ZNF266: variants seen among roughly 807,000 people sequenced by gnomAD.
ZNF266 encodes zinc finger protein 1.
ZNF266 carries 16 observed loss-of-function variants against 16.4 expected under a neutral mutation model. The ratio of observed to expected loss-of-function variants is 0.98; its 90% confidence interval spans 0.66 to 1.48. ZNF266 has a LOEUF of 1.48. Among genes scored for constraint, ZNF266 ranks in the 40% most tolerant of loss-of-function variants. ZNF266 has a pLI of 0.00. For synonymous variants in ZNF266, 262 were observed against 237.9 expected (o/e 1.10, Z -0.93); for missense variants, 738 against 689.1 (o/e 1.07, Z -0.79).
chr19:9,429,949 A>G (rs2123421328), intron 5 of ZNF266, among the ~76,000 whole-genome samples: 1 of 152,278 alleles, frequency 6.6e-6, no homozygotes, highest in Admixed American at 6.5e-5. Flanking sequence ...AAGACGAGCA[A>G]AAATTTTTAC....
In ZNF266 at chr19:9,414,165, G is replaced by C. The variant is rs767054019; in HGVS notation, c.961C>G (p.Gln321Glu). 1 of 1,613,284 alleles carries C rather than the reference G, an allele frequency of 6.2e-7. No homozygotes were observed. Among genetic ancestry groups the C allele is most frequent in the Admixed American group, 1.7e-5 (1 of 59,952 alleles). Reference protein sequence around the residue: ...ECGKAFTRSCQLTQHRKTHTG... With the variant: ...ECGKAFTRSCELTQHRKTHTG... ...TGAGTTTTTCTGTGCTGAGTAAGTTGACAAGACCTGGTGAAGGCTTTCCCA... is the reference window on the plus strand; with the variant it reads ...TGAGTTTTTCTGTGCTGAGTAAGTTCACAAGACCTGGTGAAGGCTTTCCCA... The change falls in exon 11 of 11, where the codon CAA becomes GAA. Residue 321 changes from glutamine to glutamate, a missense_variant. Physicochemically the swap from Gln to Glu is conservative, Grantham distance 29. Transcript: ENST00000592904.
chr19:9,415,830 TC>T, intron 9 of ZNF266, 88 bp from the exon 10 acceptor site: 3 of 1,179,834 alleles, frequency 2.5e-6, no homozygotes, highest in South Asian at 1.3e-5. Context: ...GTACTTGTTT[TC>T]TTTTTTTCTT....
intron 9 of ZNF266, among the ~76,000 whole-genome samples, chr19:9,417,349 G>A (rs531178782): frequency 3.3e-5 from 5 of 152,214 alleles, no homozygotes; most frequent in South Asian, 4.1e-4. Flanking sequence ...TACAGCCTGG[G>A]TGACAGTGAA....
intron 5 of ZNF266, among the ~76,000 whole-genome samples, chr19:9,432,033 G>A (rs767365477): frequency 6.6e-6 from 1 of 152,174 alleles, no homozygotes; most frequent in Non-Finnish European, 1.5e-5. Context: ...TCAGCTCACT[G>A]CAGCCTTCAC....
chr19:9,431,228 G>C (rs1313146816), intron 5 of ZNF266, among the ~76,000 whole-genome samples: 1 of 152,156 alleles, frequency 6.6e-6, no homozygotes, highest in Non-Finnish European at 1.5e-5. Context: ...GCATTGGAGG[G>C]TGCTCTGTCC....
At chr19:9,421,890 C>T (rs532464470) in intron 5 of ZNF266, among the ~76,000 whole-genome samples, 13 of 152,052 alleles carry the variant, frequency 8.5e-5, no homozygotes, top group Non-Finnish European at 1.3e-4. Flanking sequence ...CTCGCTCTGT[C>T]ACCCAGGCTG....
chr19:9,422,542 CT>C (rs1335562073), intron 5 of ZNF266, among the ~76,000 whole-genome samples: 1 of 152,190 alleles, frequency 6.6e-6, no homozygotes, highest in Non-Finnish European at 1.5e-5. Context: ...CTGGTTTCCC[CT>C]GGCCACTTAA....
intron 5 of ZNF266, among the ~76,000 whole-genome samples, chr19:9,427,530 T>C (rs111335877): frequency 0.017 from 2,548 of 152,184 alleles, 70 homozygotes; most frequent in African/African-American, 0.057. Flanking sequence ...TTTCAGCATG[T>C]TAGCCAGGCT....
At position 9,413,033 on chromosome 19, in the gene ZNF266, T is replaced by G; in HGVS notation, c.*242A>C. On this transcript the variant is annotated 3_prime_UTR_variant, in exon 11 of 11. Coordinates refer to ENST00000592904, the MANE Select transcript of ZNF266 (RefSeq NM_001370374.1). ...GGGATTCAGAAAGGTATTCCCAGAT[T>G]CTCTACATTCATACAGTTTCTCTCC... The G allele has an allele frequency of 3.8e-6, 2 of 526,396 alleles. No homozygotes were observed. Among genetic ancestry groups the G allele is most frequent in the Middle Eastern group, 4.8e-4 (1 of 2,072 alleles). The allele number at this position is 526,396 out of a possible 1,614,324, so 32.6% of individuals were successfully genotyped here.
At chr19:9,419,183 T>C (rs890132127) in intron 7 of ZNF266, 34 bp downstream of exon 7, 1 of 154,758 alleles carries the variant, frequency 6.5e-6, no homozygotes, top group African/African-American at 2.4e-5. Flanking sequence ...GATGCAAGTA[T>C]GATATTTTGG....
chr19:9,413,245 C>A lies in ZNF266; in HGVS notation c.*30G>T, dbSNP rs748408994. 11 of 1,538,210 alleles carry A rather than the reference C, an allele frequency of 7.2e-6. No individual in the cohort carries two copies. Among genetic ancestry groups the A allele is most frequent in the Non-Finnish European group, 8.7e-6 (10 of 1,145,618 alleles). The stretch of plus-strand genomic sequence containing the variant: ...TGAGTTTTCATGTCTTCAGAGAGAA[C>A]AGGGACACCTTTAGGTTTTCCCACA... On this transcript the variant is annotated 3_prime_UTR_variant, in exon 11 of 11. Transcript: ENST00000592904.
In ZNF266 at chr19:9,433,678, C is replaced by G. The variant is rs1010028619; in HGVS notation, c.-140G>C. The G allele has an allele frequency of 6.6e-6, 1 of 151,920 alleles. No individual in the cohort carries two copies. The highest frequency in any genetic ancestry group is 1.5e-5 in the Non-Finnish European group (1 of 68,002). 9.4% of individuals were successfully genotyped at this position (151,920 alleles called of 1,614,324 possible). Reference sequence around the variant, plus strand: ...TCAGATATCACTTACTTTGGCCAGGCACAGTGGCTTATACCTGTAATCCCA... The same window carrying G: ...TCAGATATCACTTACTTTGGCCAGGGACAGTGGCTTATACCTGTAATCCCA... On this transcript the variant is annotated 5_prime_UTR_variant, in exon 5 of 11. Coordinates refer to ENST00000592904, the MANE Select transcript of ZNF266 (RefSeq NM_001370374.1).
Position 9,413,816 on chromosome 19 carries a change from T to C in ZNF266, c.1310A>G (p.His437Arg), listed in dbSNP as rs753570083. 3 of 1,614,138 alleles carry C rather than the reference T, an allele frequency of 1.9e-6. No individual in the cohort carries two copies. The highest frequency in any genetic ancestry group is 1.7e-5 in the Admixed American group (1 of 60,024). ...AFTQNSDLTKHARTHSGERPY... is the reference protein window; with the variant it reads ...AFTQNSDLTKRARTHSGERPY... Reference sequence around the variant, plus strand: ...CCTCTCTCCACTGTGAGTTCGTGCATGCTTAGTAAGGTCTGAGTTCTGAGT... The same window carrying C: ...CCTCTCTCCACTGTGAGTTCGTGCACGCTTAGTAAGGTCTGAGTTCTGAGT... Residue 437 changes from histidine to arginine, a missense_variant, in exon 11 of 11, where the codon CAT becomes CGT. Physicochemically the swap from His to Arg is conservative, Grantham distance 29. Coordinates refer to ENST00000592904, the MANE Select transcript of ZNF266 (RefSeq NM_001370374.1).
chr19:9,416,646 G>A (rs1381266738), intron 9 of ZNF266, among the ~76,000 whole-genome samples: 1 of 143,048 alleles, frequency 7.0e-6, no homozygotes, highest in Non-Finnish European at 1.5e-5. Flanking sequence ...TTACAGACGT[G>A]AGCCACCGTG....
intron 4 of ZNF266, 53 bp from the exon 5 acceptor site, chr19:9,433,839 A>T (rs746274724): frequency 6.6e-6 from 1 of 151,864 alleles, no homozygotes; most frequent in Non-Finnish European, 1.5e-5. Context: ...ATGGTGGCGC[A>T]CACTTGTAAT....
rs190470590 is a variant in ZNF266 at position 9,425,759 on chromosome 19, C to T, written c.-129-5541G>A. Reference sequence around the variant, plus strand: ...AGTCCAAGCGCTCCCTAGGACTCACCAACTGCTAGCCTTAAGAGGGCAAGA... The same window carrying T: ...AGTCCAAGCGCTCCCTAGGACTCACTAACTGCTAGCCTTAAGAGGGCAAGA... On this transcript the variant is annotated intron_variant, in intron 5 of 10. Coordinates refer to ENST00000592904, the MANE Select transcript of ZNF266 (RefSeq NM_001370374.1). Among the ~76,000 whole-genome samples, 485 of 152,232 alleles carry T rather than the reference C, an allele frequency of 3.2e-3. 7 individuals are homozygous for T. Among genetic ancestry groups the T allele is most frequent in the Admixed American group, 0.03 (458 of 15,300 alleles).
Position 9,414,318 on chromosome 19 carries a change from T to A in ZNF266, c.808A>T (p.Ile270Leu). The stretch of plus-strand genomic sequence containing the variant: ...GGTTTTTCTGACCTGTGAGTTTGTA[T>A]ACGCACAGCAAGGTCTGTGGAGTGA... ...FIHSTDLAVR[I>L]QTHRSEKPYK... is the part of the protein sequence containing the mutation. Residue 270 changes from isoleucine (I) to leucine (L), a missense_variant, in exon 11 of 11, where the codon ATA (isoleucine) becomes TTA (leucine). Ile to Leu is a conservative substitution (Grantham distance 5). Transcript: ENST00000592904. 6.2e-7 allele frequency: 1 copy of A among 1,614,080 alleles called. No homozygotes were observed. The highest frequency in any genetic ancestry group is 8.5e-7 in the Non-Finnish European group (1 of 1,179,958).
chr19:9,412,578 C>G lies in ZNF266; in HGVS notation c.*697G>C, dbSNP rs759957641. Reference sequence around the variant, plus strand: ...GTATTAGTTTCCTAGGGTTGCTGTACAAAATAACAGACTGAATGATTTAAC... The same window carrying G: ...GTATTAGTTTCCTAGGGTTGCTGTAGAAAATAACAGACTGAATGATTTAAC... On this transcript the variant is annotated 3_prime_UTR_variant, in exon 11 of 11. Coordinates refer to ENST00000592904, the MANE Select transcript of ZNF266 (RefSeq NM_001370374.1). The G allele has an allele frequency of 8.5e-5, 13 of 152,178 alleles. No homozygotes were observed. The highest frequency in any genetic ancestry group is 1.6e-4 in the Non-Finnish European group (11 of 68,038). 9.4% of individuals were successfully genotyped at this position (152,178 alleles called of 1,614,324 possible). A position where few individuals can be genotyped will look rare whatever the true frequency, so the allele number is the denominator to read the frequency against.
In ZNF266 at chr19:9,413,803, G is replaced by A; in HGVS notation, c.1323C>T (p.His441=). The change falls in exon 11 of 11, where the codon CAC becomes CAT. Residue 441 remains histidine (H), a synonymous_variant. Coordinates refer to ENST00000592904, the MANE Select transcript of ZNF266 (RefSeq NM_001370374.1). ...NSDLTKHART[H]SGERPYECKE... ...TACATTCATAGGGCCTCTCTCCACTGTGAGTTCGTGCATGCTTAGTAAGGT... is the reference window on the plus strand; with the variant it reads ...TACATTCATAGGGCCTCTCTCCACTATGAGTTCGTGCATGCTTAGTAAGGT... 6.2e-7 allele frequency: 1 copy of A among 1,614,126 alleles called. No individual in the cohort carries two copies. Among genetic ancestry groups the A allele is most frequent in the Non-Finnish European group, 8.5e-7 (1 of 1,180,006 alleles).
Sources: allele counts gnomAD v4.1 joint callset (sites outside exome capture counted in the v4.1 genomes callset), GRCh38; gene constraint gnomAD v4.1.1; transcripts MANE v1.5; gene names NCBI Gene and HGNC (gene_info 2026-07-23, HGNC 2026-07-21).